GNG2: variants seen among roughly 807,000 people sequenced by gnomAD.
GNG2 encodes the protein guanine nucleotide-binding protein G(I)/G(S)/G(O) subunit gamma-2.
Under a neutral mutation model 5.5 loss-of-function variants are expected in GNG2, and 5 were observed. That is an observed-to-expected ratio of 0.91 (90% CI 0.48 to 1.92). The LOEUF is 1.92. Ranked by LOEUF, GNG2 falls within the 30% of genes most tolerant of loss-of-function variation. GNG2 has a pLI of 0.01. For synonymous variants in GNG2, 28 were observed against 32.0 expected, an observed-to-expected ratio of 0.88 and a Z score of 0.42; for missense variants, 55 against 88.4, an observed-to-expected ratio of 0.62 and a Z score of 1.52.
intron 2 of GNG2, among the ~76,000 whole-genome samples, chr14:51,894,409 G>C (rs1039827251): frequency 6.6e-6 from 1 of 152,046 alleles, no homozygotes; most frequent in Non-Finnish European, 1.5e-5. Flanking sequence ...TCCTAATTCA[G>C]ATCTCCAGGG....
chr14:51,911,980 GT>G (rs1012960329), intron 2 of GNG2, among the ~76,000 whole-genome samples: 8 of 148,456 alleles, frequency 5.4e-5, no homozygotes, highest in Non-Finnish European at 1.0e-4. Flanking sequence ...GTCAGGCACT[GT>G]TCTAGGTACT....
At chr14:51,880,712 A>T (rs1043788142) in intron 2 of GNG2, among the ~76,000 whole-genome samples, 3 of 152,170 alleles carry the variant, frequency 2.0e-5, no homozygotes, top group African/African-American at 7.2e-5. Context: ...CCTGGGACAT[A>T]AGACTATCGG....
intron 2 of GNG2, among the ~76,000 whole-genome samples, chr14:51,942,077 C>T (rs1296005052): frequency 6.6e-6 from 1 of 152,158 alleles, no homozygotes; most frequent in Non-Finnish European, 1.5e-5. Context: ...ATAAAAGAGA[C>T]TCTGCTCTGT....
intron 2 of GNG2, among the ~76,000 whole-genome samples, chr14:51,848,677 G>A (rs997626883): frequency 1.1e-4 from 16 of 152,156 alleles, no homozygotes; most frequent in Non-Finnish European, 2.4e-4. Flanking sequence ...GAGAATGAAG[G>A]GAGTATTTAC....
Position 51,966,700 on chromosome 14 carries a change from G to T in GNG2, c.*13G>T. 2 of 1,612,496 alleles carry T rather than the reference G, an allele frequency of 1.2e-6. No individual in the cohort carries two copies. Among genetic ancestry groups the T allele is most frequent in the Non-Finnish European group, 1.7e-6 (2 of 1,178,626 alleles). ...TGCCATCCTTTAAGTCTTTGAGAGG[G>T]GCCTGAAGAGCCTCCGGGCTCCTGG... On this transcript the variant is annotated 3_prime_UTR_variant, in exon 4 of 4. Coordinates refer to ENST00000556766, the MANE Select transcript of GNG2 (RefSeq NM_053064.5).
rs866794142 is a variant in GNG2, at chr14:51,969,275, C to T, written c.*2588C>T. The T allele has an allele frequency of 2.6e-5, 4 of 152,068 alleles. No homozygotes were observed. Among genetic ancestry groups the T allele is most frequent in the Admixed American group, 1.3e-4 (2 of 15,256 alleles). 9.4% of individuals were successfully genotyped at this position (152,068 alleles called of 1,614,324 possible). A position where few individuals can be genotyped will look rare whatever the true frequency, so the allele number is the denominator to read the frequency against. ...AACAATAAACTTCATATTTAGAATG[C>T]AAAGTCTATAAAGAATAATTTTACA... On this transcript the variant is annotated 3_prime_UTR_variant, in exon 4 of 4. Transcript: ENST00000556766.
Position 51,842,865 on chromosome 14 carries a change from G to A in GNG2, c.64+15058G>A, listed in dbSNP as rs534554976. On this transcript the variant is annotated intron_variant, in intron 2 of 3. Coordinates refer to the GNG2 transcript ENST00000553432. ...TTTTTAGTAGAGATAGGGTTTTGCC[G>A]TGTTGTCTAGGCTGGTCCCGAACTC... 3.3e-4 allele frequency among the ~76,000 whole-genome samples: 50 copies of A among 152,068 alleles called. 1 individual carries two copies. The highest frequency in any genetic ancestry group is 9.9e-4 in the African/African-American group (41 of 41,484).
At chr14:51,896,095 A>G (rs890810195) in intron 2 of GNG2, among the ~76,000 whole-genome samples, 2 of 152,202 alleles carry the variant, frequency 1.3e-5, no homozygotes, top group Admixed American at 1.3e-4. Flanking sequence ...ATGACCTTAC[A>G]CTTTGGATTC....
chr14:51,842,410 C>T (rs1005696615), intron 2 of GNG2, among the ~76,000 whole-genome samples: 1 of 152,194 alleles, frequency 6.6e-6, no homozygotes, highest in Non-Finnish European at 1.5e-5. Context: ...AAGTTGTGCT[C>T]AGCAATAATG....
chr14:51,894,350 C>T (rs1417985399), intron 2 of GNG2, among the ~76,000 whole-genome samples: 2 of 151,536 alleles, frequency 1.3e-5, no homozygotes, highest in Non-Finnish European at 1.5e-5. Context: ...TAAATAGCTT[C>T]TCTTTTCTTA....
chr14:51,883,338 G>A (rs1884228051), intron 2 of GNG2, among the ~76,000 whole-genome samples: 1 of 152,212 alleles, frequency 6.6e-6, no homozygotes, highest in Non-Finnish European at 1.5e-5. Context: ...AAACTTCCTA[G>A]CCATTTACAT....
rs147162876 is a variant in GNG2 at position 51,875,142 on chromosome 14, G to A, written c.-70-2475G>A. On this transcript the variant is annotated intron_variant, in intron 1 of 3. Transcript: ENST00000556766. ...TTCTTTTTAATGTAACAATCCGGAC[G>A]TGGATGGCCCAGGACTGGTAAGGTA... is the stretch of plus-strand genomic sequence containing the variant. Among the ~76,000 whole-genome samples the A allele has an allele frequency of 3.9e-5, 6 of 152,316 alleles. No homozygotes were observed. The East Asian group carries it at 7.7e-4, about 20-fold the overall frequency.
At chr14:51,883,750 C>T (rs1337760897) in intron 2 of GNG2, among the ~76,000 whole-genome samples, 1 of 151,982 alleles carries the variant, frequency 6.6e-6, no homozygotes, top group Non-Finnish European at 1.5e-5. Context: ...GATCAATAAG[C>T]ACAAACTTAT....
At chr14:51,854,839 C>T (rs536135196) in intron 2 of GNG2, among the ~76,000 whole-genome samples, 2 of 152,192 alleles carry the variant, frequency 1.3e-5, no homozygotes, top group African/African-American at 4.8e-5. Context: ...TACCTACTTC[C>T]GGCTCTGGCT....
At chr14:51,957,657 C>T (rs1889350027) in intron 3 of GNG2, among the ~76,000 whole-genome samples, 1 of 152,122 alleles carries the variant, frequency 6.6e-6, no homozygotes. Flanking sequence ...ACCTTCTAAC[C>T]CTGAGATCCC....
intron 2 of GNG2, among the ~76,000 whole-genome samples, chr14:51,919,620 T>G (rs1295047999): frequency 6.6e-6 from 1 of 152,202 alleles, no homozygotes; most frequent in Non-Finnish European, 1.5e-5. Context: ...CAGTCCCAGC[T>G]AGTGGGTTCC....
At chr14:51,888,629 G>T (rs1233831230) in intron 2 of GNG2, among the ~76,000 whole-genome samples, 3 of 152,076 alleles carry the variant, frequency 2.0e-5, no homozygotes, top group East Asian at 1.9e-4. Flanking sequence ...TAGTGTAAGA[G>T]AAATTTTTAG....
At chr14:51,878,693 G>A (rs769344859) in intron 2 of GNG2, among the ~76,000 whole-genome samples, 1 of 152,132 alleles carries the variant, frequency 6.6e-6, no homozygotes, top group African/African-American at 2.4e-5. Context: ...TATAAGGTCT[G>A]CAAATTTGGA....
chr14:51,936,132 C>T (rs373952622), intron 2 of GNG2, among the ~76,000 whole-genome samples: 2 of 152,252 alleles, frequency 1.3e-5, no homozygotes, highest in South Asian at 4.1e-4. Context: ...CTCTGGGCTC[C>T]ATGCTTTGGG....
Sources: allele counts gnomAD v4.1 joint callset (sites outside exome capture counted in the v4.1 genomes callset), GRCh38; gene constraint gnomAD v4.1.1; transcripts MANE v1.5; gene names NCBI Gene and HGNC (gene_info 2026-07-23, HGNC 2026-07-21).